Variants in ZNF677 observed in about 807,000 individuals in gnomAD.
The protein encoded by ZNF677 is zinc finger protein 677, also known as hypothetical protein MGC48625.
In ZNF677, 5 loss-of-function variants were observed where a neutral mutation model predicts 8.1. The ratio of observed to expected loss-of-function variants is 0.62; its 90% CI spans 0.32 to 1.29. The LOEUF (loss-of-function observed/expected upper bound fraction) is 1.29. Among genes scored for constraint, ZNF677 ranks in the 50% most tolerant of loss-of-function variants. The pLI is 0.05. For missense variants in ZNF677, 685 were observed against 685.9 expected, an observed-to-expected ratio of 1.00 and a Z score of 0.01; for synonymous variants, 221 against 225.6, an observed-to-expected ratio of 0.98 and a Z score of 0.18.
intron 4 of ZNF677, chr19:53,241,775 T>C (rs560902702): frequency 7.5e-6 from 3 of 398,504 alleles, no homozygotes; most frequent in Admixed American, 8.8e-5. Context: ...AGAATGATAC[T>C]GTGACAGATT....
At chr19:53,250,017 C>G (rs1443835142) in intron 3 of ZNF677, among the ~76,000 whole-genome samples, 1 of 152,010 alleles carries the variant, frequency 6.6e-6, no homozygotes, top group South Asian at 2.1e-4. Context: ...GGATTACAGG[C>G]ACGTGCCACC....
chr19:53,238,414 T>C lies in ZNF677; in HGVS notation c.313A>G (p.Lys105Glu), dbSNP rs145342344. 129 of 1,613,852 alleles carry C rather than the reference T, an allele frequency of 8.0e-5. No individual in the cohort carries two copies. Among genetic ancestry groups the C allele is most frequent in the Admixed American group, 1.3e-4 (8 of 59,998 alleles). The change falls in exon 5 of 5, where the codon AAG becomes GAG. Residue 105 changes from lysine (K) to glutamate (E), a missense_variant. By Grantham distance (56) the Lys-to-Glu change is moderately conservative. Transcript: ENST00000598513. Reference protein sequence around the residue: ...DLKEVWENMPKFDSLWDYDVK... With the variant: ...DLKEVWENMPEFDSLWDYDVK... ...TCATAGTCCCACAGGCTGTCAAACT[T>C]AGGCATATTTTCCCAGACTTCCTTG...
rs1278122369 is a variant in ZNF677, at chr19:53,237,994, T to C, written c.733A>G (p.Lys245Glu). ...NICNKYRKIL[K>E]YPLLHTQYGR... ...TACTGTGTATGTAATAAAGGGTATTTCAAAATCTTCCTATATTTATTACAA... is the reference window on the plus strand; with the variant it reads ...TACTGTGTATGTAATAAAGGGTATTCCAAAATCTTCCTATATTTATTACAA... Residue 245 changes from lysine (K) to glutamate (E), a missense_variant, in exon 5 of 5, where the codon AAA (lysine) becomes GAA (glutamate). Physicochemically the swap from Lys to Glu is moderately conservative, Grantham distance 56. Transcript: ENST00000598513. 6.2e-7 allele frequency: 1 copy of C among 1,613,158 alleles called. No homozygotes were observed. Among genetic ancestry groups the C allele is most frequent in the Admixed American group, 1.7e-5 (1 of 59,988 alleles).
chr19:53,245,587 C>CT (rs1275926913), intron 3 of ZNF677, among the ~76,000 whole-genome samples: 1 of 152,078 alleles, frequency 6.6e-6, no homozygotes, highest in African/African-American at 2.4e-5. Context: ...GATCTCACAT[C>CT]TATTAGGATG....
At chr19:53,246,487 T>TACACACACAC (rs60644090) in intron 3 of ZNF677, among the ~76,000 whole-genome samples, 20 of 140,356 alleles carry the variant, frequency 1.4e-4, no homozygotes, top group East Asian at 4.3e-4. Context: ...AAAGAAAATG[T>TACACACACAC]ACACACACAC....
chr19:53,251,719 T>G, intron 2 of ZNF677, 114 bp from the exon 3 acceptor site: 1 of 678,212 alleles, frequency 1.5e-6, no homozygotes, highest in Non-Finnish European at 2.4e-6. Context: ...AGCTTCCAAT[T>G]GCAACAAGAG....
intron 4 of ZNF677, 114 bp downstream of exon 4, chr19:53,243,630 C>G: frequency 1.4e-6 from 2 of 1,409,754 alleles, no homozygotes; most frequent in Non-Finnish European, 2.0e-6. Context: ...TTTCCACTCT[C>G]AATCAAAAAG....
In ZNF677 at chr19:53,237,973, GTGTA is replaced by G. The variant is rs965004672; in HGVS notation, c.750_753del (p.Thr251SerfsTer361). The G allele has an allele frequency of 8.1e-6, 13 of 1,612,554 alleles. No homozygotes were observed. Among genetic ancestry groups the G allele is most frequent in the Non-Finnish European group, 4.2e-6 (5 of 1,179,888 alleles). The stretch of plus-strand genomic sequence containing the variant: ...TCTCTAATGTGTGTTCTCCCATACT[GTGTA>G]TGTAATAAAGGGTATTTCAAAATCT... On this transcript the variant is annotated frameshift_variant, in exon 5 of 5. Coordinates refer to ENST00000598513, the MANE Select transcript of ZNF677 (RefSeq NM_182609.4). LOFTEE classifies it low-confidence loss of function (END_TRUNC).
Position 53,242,996 on chromosome 19 carries a change from A to C in ZNF677, c.169+748T>G, listed in dbSNP as rs190808319. The C allele has an allele frequency of 6.4e-3, 977 of 152,276 alleles. 3 individuals carry two copies. The highest frequency in any genetic ancestry group is 0.011 in the South Asian group (51 of 4,818). 9.4% of individuals were successfully genotyped at this position (152,276 alleles called of 1,614,324 possible). Reference sequence around the variant, plus strand: ...CATTTGAATAACAGTATGTTGGGGGACAGTAGGAGCGGGTGTGGACCTTGC... The same window carrying C: ...CATTTGAATAACAGTATGTTGGGGGCCAGTAGGAGCGGGTGTGGACCTTGC... On this transcript the variant is annotated intron_variant, in intron 4 of 4. Coordinates refer to ENST00000598513, the MANE Select transcript of ZNF677 (RefSeq NM_182609.4).
intron 3 of ZNF677, among the ~76,000 whole-genome samples, chr19:53,250,092 G>A (rs983995785): frequency 2.6e-5 from 4 of 151,944 alleles, no homozygotes; most frequent in South Asian, 2.1e-4. Flanking sequence ...GGCTGGTCTC[G>A]AACTCCTGAC....
chr19:53,248,352 T>C (rs185501895), intron 3 of ZNF677, among the ~76,000 whole-genome samples: 2 of 152,356 alleles, frequency 1.3e-5, no homozygotes, highest in Admixed American at 1.3e-4. Context: ...AAAAAAAGTT[T>C]TTAAAAAACC....
Position 53,238,241 on chromosome 19 carries a change from G to A in ZNF677, c.486C>T (p.Asp162=). 1 of 1,613,952 alleles carries A rather than the reference G, an allele frequency of 6.2e-7. No homozygotes were observed. Among genetic ancestry groups the A allele is most frequent in the Non-Finnish European group, 8.5e-7 (1 of 1,179,924 alleles). Residue 162 remains aspartate, a synonymous_variant, in exon 5 of 5, where the codon GAC becomes GAT. Coordinates refer to ENST00000598513, the MANE Select transcript of ZNF677 (RefSeq NM_182609.4). ...TTAACAAATTCCTTATAAATGGCTT[G>A]TCATGGATGAAATACTGGTGTGCAC... ...RDSAHQYFIH[D]KPFIRNLLKL... is the part of the protein sequence containing the mutation.
rs996079103 is a variant in ZNF677 at position 53,236,572 on chromosome 19, T to C, written c.*400A>G. On this transcript the variant is annotated 3_prime_UTR_variant, in exon 5 of 5. Transcript: ENST00000598513. ...TTTTGTATGACAAAATGCTTGCATA[T>C]AAGGATGAATTTCCATTGAGAAATT... 1 of 155,398 alleles carries C rather than the reference T, an allele frequency of 6.4e-6. No homozygotes were observed. Among genetic ancestry groups the C allele is most frequent in the African/African-American group, 2.4e-5 (1 of 41,518 alleles). The allele number at this position is 155,398 out of a possible 1,614,324, so 9.6% of individuals were successfully genotyped here.
chr19:53,238,514 T>G lies in ZNF677; in HGVS notation c.213A>C (p.Glu71Asp). 6.3e-7 allele frequency: 1 copy of G among 1,596,052 alleles called. No individual in the cohort carries two copies. The change falls in exon 5 of 5, where the codon GAA (glutamate) becomes GAC (aspartate). Residue 71 changes from glutamate to aspartate, a missense_variant. Coordinates refer to ENST00000598513, the MANE Select transcript of ZNF677 (RefSeq NM_182609.4). ...GATGGTATAATTCCTCTTTATTATTTTCCTTTGGTGATAATCCCTTGCTTG... is the reference window on the plus strand; with the variant it reads ...GATGGTATAATTCCTCTTTATTATTGTCCTTTGGTGATAATCCCTTGCTTG... ...GFTSKGLSPK[E>D]NNKEELYHLV...
chr19:53,252,199 G>A (rs1264250422), intron 2 of ZNF677, among the ~76,000 whole-genome samples: 2 of 152,140 alleles, frequency 1.3e-5, no homozygotes, highest in Non-Finnish European at 2.9e-5. Context: ...CATCATTTTT[G>A]GAGGTCTCAG....
At position 53,243,747 on chromosome 19, in the gene ZNF677, C is replaced by T. The variant is rs11881131; in HGVS notation, c.166G>A (p.Asp56Asn). The change falls in exon 4 of 5, where the codon GAT (aspartate) becomes AAT (asparagine). Residue 56 changes from aspartate (D) to asparagine (N), a missense_variant. Asp to Asn is a conservative substitution (Grantham distance 23). Transcript: ENST00000598513. Reference sequence around the variant, plus strand: ...AAAGATGTACAAGGGTGGTTACCATCTTCTGGAGGGATGTTATCCTCATCG... The same window carrying T: ...AAAGATGTACAAGGGTGGTTACCATTTTCTGGAGGGATGTTATCCTCATCG... ...SLDEDNIPPEDDISVGFTSKG... is the reference protein window; with the variant it reads ...SLDEDNIPPENDISVGFTSKG... 4,133 of 1,614,168 alleles carry T rather than the reference C, an allele frequency of 2.6e-3. 106 individuals are homozygous for T. In the African/African-American group the frequency reaches 0.049, roughly 19 times the overall value.
At position 53,237,712 on chromosome 19, in the gene ZNF677, T is replaced by C; in HGVS notation, c.1015A>G (p.Arg339Gly). Residue 339 changes from arginine (R) to glycine (G), a missense_variant, in exon 5 of 5, where the codon AGG (arginine) becomes GGG (glycine). By Grantham distance (125) the Arg-to-Gly change is moderately radical. Coordinates refer to ENST00000598513, the MANE Select transcript of ZNF677 (RefSeq NM_182609.4). Reference protein sequence around the residue: ...SQNSNLASHQRMHTGEKPYKC... With the variant: ...SQNSNLASHQGMHTGEKPYKC... ...TAAGGTTTCTCTCCAGTATGCATCCTCTGATGACTTGCAAGATTTGAATTT... is the reference window on the plus strand; with the variant it reads ...TAAGGTTTCTCTCCAGTATGCATCCCCTGATGACTTGCAAGATTTGAATTT... 1 of 1,613,834 alleles carries C rather than the reference T, an allele frequency of 6.2e-7. No individual in the cohort carries two copies. The highest frequency in any genetic ancestry group is 8.5e-7 in the Non-Finnish European group (1 of 1,179,882).
chr19:53,245,083 A>G (rs2091114969), intron 3 of ZNF677, among the ~76,000 whole-genome samples: 1 of 152,208 alleles, frequency 6.6e-6, no homozygotes, highest in Admixed American at 6.5e-5. Flanking sequence ...ATCTTATGCC[A>G]CAAATAAAAA....
At position 53,237,046 on chromosome 19, in the gene ZNF677, G is replaced by T; in HGVS notation, c.1681C>A (p.His561Asn). ...TTTTCTCTATTATAACTTTTTTGAT[G>T]ATCTCCAAGGTTTGAACTTTGGAAT... Reference protein sequence around the residue: ...ALFQSSNLGDHQKSYNREKHI... With the variant: ...ALFQSSNLGDNQKSYNREKHI... Residue 561 changes from histidine to asparagine, a missense_variant, in exon 5 of 5, where the codon CAT (histidine) becomes AAT (asparagine). Transcript: ENST00000598513. 6.2e-7 allele frequency: 1 copy of T among 1,600,270 alleles called. No individual in the cohort carries two copies. The highest frequency in any genetic ancestry group is 8.5e-7 in the Non-Finnish European group (1 of 1,176,096).
Sources: allele counts gnomAD v4.1 joint callset (sites outside exome capture counted in the v4.1 genomes callset), GRCh38; gene constraint gnomAD v4.1.1; transcripts MANE v1.5; gene names NCBI Gene and HGNC (gene_info 2026-07-23, HGNC 2026-07-21).